The following ME3 variants were observed in gnomAD, a reference collection of about 807,000 sequenced individuals.
ME3 encodes the protein malic enzyme 3, also known as NADP-dependent malic enzyme, mitochondrial.
Under a neutral mutation model 68.9 loss-of-function variants are expected in ME3, and 48 were observed. The ratio of observed to expected loss-of-function variants is 0.70; its 90% CI spans 0.55 to 0.89. The LOEUF is 0.89. ME3 is among the 40% of genes least tolerant of loss of function. The probability of loss-of-function intolerance (pLI) is 0.00; values close to 1 mark genes in which losing one functional copy is unlikely to be tolerated. For synonymous variants in ME3, 320 were observed against 318.8 expected (o/e 1.00, Z -0.04); for missense variants, 675 against 797.4 (o/e 0.85, Z 1.85).
intron 2 of ME3, among the ~76,000 whole-genome samples, chr11:86,660,772 T>A (rs1320010122): frequency 6.6e-6 from 1 of 152,152 alleles, no homozygotes; most frequent in Non-Finnish European, 1.5e-5. Flanking sequence ...GAATTGATAA[T>A]CTCATCACAA....
chr11:86,648,542 G>A lies in ME3; in HGVS notation c.183+23220C>T, dbSNP rs371888939. 7.9e-5 allele frequency among the ~76,000 whole-genome samples: 12 copies of A among 151,848 alleles called. No homozygotes were observed. In the East Asian group the frequency reaches 2.1e-3, roughly 27 times the overall value. ...AAAAAAAAAAAATCAATGAATCCAGGGAACTGGTTCTTTGGAAAGATTAAC... is the reference window on the plus strand; with the variant it reads ...AAAAAAAAAAAATCAATGAATCCAGAGAACTGGTTCTTTGGAAAGATTAAC... On this transcript the variant is annotated intron_variant, in intron 2 of 14. Coordinates refer to ENST00000543262, the Ensembl canonical transcript of ME3.
intron 8 of ME3, among the ~76,000 whole-genome samples, chr11:86,451,100 GC>G (rs1454574829): frequency 6.6e-6 from 1 of 152,240 alleles, no homozygotes; most frequent in Non-Finnish European, 1.5e-5. Flanking sequence ...CAGCTTCACA[GC>G]CCCAATAAAA....
chr11:86,629,464 C>G (rs1391780147), intron 2 of ME3, among the ~76,000 whole-genome samples: 1 of 152,194 alleles, frequency 6.6e-6, no homozygotes, highest in Non-Finnish European at 1.5e-5. Flanking sequence ...CCCCCTCCCC[C>G]GTGGGTAAAG....
chr11:86,566,114 C>G (rs1485236335), intron 2 of ME3, among the ~76,000 whole-genome samples: 3 of 152,194 alleles, frequency 2.0e-5, no homozygotes, highest in African/African-American at 7.2e-5. Context: ...CCTAGCAACA[C>G]TGACAATAGT....
chr11:86,465,344 T>A, intron 7 of ME3, 144 bp from the exon 8 acceptor site: 1 of 667,664 alleles, frequency 1.5e-6, no homozygotes, highest in Non-Finnish European at 2.8e-6. Flanking sequence ...TTGCCACTGG[T>A]TGGCTCCTGG....
At chr11:86,510,567 C>T (rs908463092) in intron 4 of ME3, among the ~76,000 whole-genome samples, 2 of 152,162 alleles carry the variant, frequency 1.3e-5, no homozygotes, top group African/African-American at 2.4e-5. Flanking sequence ...TCACCTTTGG[C>T]ACTATTGACA....
chr11:86,529,398 A>G (rs1244886663), intron 4 of ME3, among the ~76,000 whole-genome samples: 1 of 152,192 alleles, frequency 6.6e-6, no homozygotes. Context: ...CCAGGACCAG[A>G]TGGATTCACA....
chr11:86,468,469 TCATC>T (rs1408513815), intron 7 of ME3, among the ~76,000 whole-genome samples: 2 of 152,164 alleles, frequency 1.3e-5, no homozygotes, highest in Non-Finnish European at 2.9e-5. Flanking sequence ...ATCCATAAAT[TCATC>T]CATCCAAACA....
At chr11:86,652,453 G>A (rs1220426016) in intron 2 of ME3, among the ~76,000 whole-genome samples, 1 of 151,874 alleles carries the variant, frequency 6.6e-6, no homozygotes, top group Admixed American at 6.6e-5. Flanking sequence ...CATTCTTAAA[G>A]AAAAGAATTT....
exon 11 of ME3, chr11:86,448,187 C>T (rs1202336998): frequency 1.2e-6 from 2 of 1,614,196 alleles, no homozygotes; most frequent in South Asian, 2.2e-5. Context: ...TCACCACCTC[C>T]TCCAGGGAGT....
At chr11:86,441,703 C>T (rs79821864) in intron 14 of ME3, among the ~76,000 whole-genome samples, 2,061 of 152,296 alleles carry the variant, frequency 0.014, 20 homozygotes, top group Middle Eastern at 0.031. Context: ...CCTGTGGGTC[C>T]TCAGAGCTGA....
chr11:86,472,906 A>ATC (rs1358624355), intron 7 of ME3, among the ~76,000 whole-genome samples: 1 of 152,166 alleles, frequency 6.6e-6, no homozygotes, highest in East Asian at 1.9e-4. Flanking sequence ...AGAAAGGCAA[A>ATC]CTTACTTGAT....
At chr11:86,493,365 G>T (rs1052587678) in intron 6 of ME3, among the ~76,000 whole-genome samples, 2 of 152,182 alleles carry the variant, frequency 1.3e-5, no homozygotes, top group African/African-American at 4.8e-5. Context: ...GCCAAGAGAA[G>T]ATCTCCAAGG....
intron 8 of ME3, among the ~76,000 whole-genome samples, chr11:86,460,048 G>T (rs1179868728): frequency 1.3e-5 from 2 of 152,198 alleles, no homozygotes; most frequent in African/African-American, 4.8e-5. Flanking sequence ...CCTGTCCCCA[G>T]TGTGACCATT....
chr11:86,595,320 G>GAGAGAGAGAGAGAGAGAGAGAGAGAC lies in ME3; in HGVS notation c.184-35498_184-35497insGTCTCTCTCTCTCTCTCTCTCTCTCT, dbSNP rs140478684. ...ATATATATATATAGAGAGAGAGAGA[G>GAGAGAGAGAGAGAGAGAGAGAGAGAC]AGAGAGAGAGAGCTTATTATGTATC... On this transcript the variant is annotated intron_variant, in intron 2 of 14. Transcript: ENST00000543262. Among the ~76,000 whole-genome samples, 222 of 138,654 alleles carry GAGAGAGAGAGAGAGAGAGAGAGAGAC rather than the reference G, an allele frequency of 1.6e-3. 14 individuals are homozygous for GAGAGAGAGAGAGAGAGAGAGAGAGAC. Among genetic ancestry groups the GAGAGAGAGAGAGAGAGAGAGAGAGAC allele is most frequent in the African/African-American group, 5.4e-3 (199 of 36,532 alleles). 91.0% of individuals were successfully genotyped at this position (138,654 alleles called of 152,430 possible).
Position 86,488,306 on chromosome 11 carries a change from A to C in ME3, c.706-866T>G, listed in dbSNP as rs1010198950. 5.9e-5 allele frequency among the ~76,000 whole-genome samples: 9 copies of C among 152,230 alleles called. No homozygotes were observed. The East Asian group carries it at 1.7e-3, about 29-fold the overall frequency. On this transcript the variant is annotated intron_variant, in intron 6 of 14. Transcript: ENST00000543262. ...GAATTTCATTGAAGTATTGGGTCGC[A>C]TCCAGAGTCCCTGGTCTGGACTCAT... is the stretch of plus-strand genomic sequence containing the variant.
intron 4 of ME3, among the ~76,000 whole-genome samples, chr11:86,554,310 G>A (rs1956828971): frequency 6.6e-6 from 1 of 152,138 alleles, no homozygotes; most frequent in African/African-American, 2.4e-5. Context: ...TCTCAGTCAG[G>A]GGAGATGGTT....
At chr11:86,504,261 T>G (rs1012620056) in intron 5 of ME3, among the ~76,000 whole-genome samples, 1 of 152,106 alleles carries the variant, frequency 6.6e-6, no homozygotes, top group African/African-American at 2.4e-5. Flanking sequence ...CACTTAGCAG[T>G]TGCTGGAGAA....
intron 4 of ME3, among the ~76,000 whole-genome samples, chr11:86,513,236 A>G (rs1171511800): frequency 2.0e-5 from 3 of 152,222 alleles, no homozygotes; most frequent in African/African-American, 7.2e-5. Flanking sequence ...GAGCTACTAA[A>G]ATTTCAAAGT....
Sources: allele counts gnomAD v4.1 joint callset (sites outside exome capture counted in the v4.1 genomes callset), GRCh38; gene constraint gnomAD v4.1.1; transcripts MANE v1.5; gene names NCBI Gene and HGNC (gene_info 2026-07-23, HGNC 2026-07-21).